UCKL1: variants seen among roughly 807,000 people sequenced by gnomAD.
UCKL1 encodes the protein uridine-cytidine kinase-like 1.
Under a neutral mutation model 59.2 loss-of-function variants are expected in UCKL1, and 65 were observed. That is an observed-to-expected ratio of 1.10 (90% CI 0.90 to 1.35). The LOEUF is 1.35. Ranked by LOEUF, UCKL1 falls within the 40% of genes most tolerant of loss-of-function variation. UCKL1 has a pLI of 0.00. For synonymous variants in UCKL1, 410 were observed against 323.1 expected, an observed-to-expected ratio of 1.27 and a Z score of -2.88; for missense variants, 703 against 784.3, an observed-to-expected ratio of 0.90 and a Z score of 1.24.
chr20:63,956,384 G>T lies in UCKL1; in HGVS notation c.-12C>A. 2 of 1,468,664 alleles carry T rather than the reference G, an allele frequency of 1.4e-6. No individual in the cohort carries two copies. Among genetic ancestry groups the T allele is most frequent in the South Asian group, 2.7e-5 (2 of 73,306 alleles). 91.0% of individuals were successfully genotyped at this position (1,468,664 alleles called of 1,614,324 possible). On this transcript the variant is annotated 5_prime_UTR_variant, in exon 1 of 15. Coordinates refer to ENST00000354216, the MANE Select transcript of UCKL1 (RefSeq NM_017859.4). ...GGGGGCGCAGCCATGGCGCTCGGAG[G>T]CCTCTTTGCGGGCCTGGCCGGGCGG...
chr20:63,946,025 C>T (rs765719494), intron 3 of UCKL1, 50 bp from the exon 4 acceptor site: 5 of 1,611,550 alleles, frequency 3.1e-6, no homozygotes, highest in Non-Finnish European at 4.2e-6. Context: ...GGCCCTCACC[C>T]AATGCCAGCG....
rs762360603 is a variant in UCKL1 at position 63,944,436 on chromosome 20, G to C, written c.867C>G (p.Ile289Met). 1 of 1,573,590 alleles carries C rather than the reference G, an allele frequency of 6.4e-7. No homozygotes were observed. Reference protein sequence around the residue: ...VPRGSGNTVAIDLIVQHVHSQ... With the variant: ...VPRGSGNTVAMDLIVQHVHSQ... ...TGTGCACGTGCTGCACAATCAGGTC[G>C]ATGGCCACCGTGTTGCCGCTCCCTG... Residue 289 changes from isoleucine (I) to methionine (M), a missense_variant, in exon 7 of 15, where the codon ATC (isoleucine) becomes ATG (methionine). Around this residue, in one of 4 missense-constraint regions of UCKL1, gnomAD observed 156 missense variants for 185.6 expected, o/e 0.84. Coordinates refer to ENST00000354216, the MANE Select transcript of UCKL1 (RefSeq NM_017859.4).
chr20:63,955,070 A>G (rs562399195), intron 1 of UCKL1: 1 of 151,860 alleles, frequency 6.6e-6, no homozygotes, highest in East Asian at 1.9e-4. Context: ...CTGACAAAAT[A>G]CCTCTCTACT....
intron 1 of UCKL1, among the ~76,000 whole-genome samples, chr20:63,947,328 G>A (rs549252147): frequency 6.6e-6 from 1 of 152,358 alleles, no homozygotes; most frequent in East Asian, 1.9e-4. Flanking sequence ...AAAGGCAGGT[G>A]AGACCCCAAA....
In UCKL1 at chr20:63,945,716, G is replaced by C; in HGVS notation, c.589C>G (p.Leu197Val). Residue 197 changes from leucine to valine, a missense_variant, in exon 5 of 15, where the codon CTG becomes GTG. By Grantham distance (32) the Leu-to-Val change is conservative. This residue lies in a region of UCKL1 where 398 missense variants were observed against 373.0 expected (regional missense o/e 1.07). Coordinates refer to ENST00000354216, the MANE Select transcript of UCKL1 (RefSeq NM_017859.4). ...AAGATGATGACGTTTGCACCATACAGTGTTTTCTGTGAAGAAACCCAGGAG... is the reference window on the plus strand; with the variant it reads ...AAGATGATGACGTTTGCACCATACACTGTTTTCTGTGAAGAAACCCAGGAG... ...THSRKKDWKT[L>V]YGANVIIFEG... The C allele has an allele frequency of 6.2e-7, 1 of 1,613,034 alleles. No individual in the cohort carries two copies. The highest frequency in any genetic ancestry group is 1.3e-5 in the African/African-American group (1 of 75,046).
At chr20:63,944,997 G>A (rs555351205) in intron 5 of UCKL1, among the ~76,000 whole-genome samples, 7 of 152,336 alleles carry the variant, frequency 4.6e-5, no homozygotes, top group South Asian at 4.1e-4. Context: ...GGTGCTGCCC[G>A]TCAGGGGCTT....
Position 63,956,337 on chromosome 20 carries a change from A to G in UCKL1, c.36T>C (p.Pro12=). The part of the protein sequence containing the change: ...AAPPARADAD[P]SPTSPPTARD... ...GGGCCGTAGGTGGCGACGTGGGCGAAGGATCAGCGTCCGCGCGGGCCGGGG... is the reference window on the plus strand; with the variant it reads ...GGGCCGTAGGTGGCGACGTGGGCGAGGGATCAGCGTCCGCGCGGGCCGGGG... Residue 12 remains proline, a synonymous_variant, in exon 1 of 15, where the codon CCT becomes CCC. Coordinates refer to ENST00000354216, the MANE Select transcript of UCKL1 (RefSeq NM_017859.4). 1 of 1,551,136 alleles carries G rather than the reference A, an allele frequency of 6.4e-7. No homozygotes were observed. The highest frequency in any genetic ancestry group is 8.7e-7 in the Non-Finnish European group (1 of 1,151,998).
Position 63,948,568 on chromosome 20 carries a change from A to AGAGGGAGGGGCGTGTGT in UCKL1, c.114-1926_114-1925insACACACGCCCCTCCCTC, listed in dbSNP as rs2056890989. ...CGGTGTGAGGAGGGAGGCGTGTGTG[A>AGAGGGAGGGGCGTGTGT]GAGGGAGGGGATGTGTGTGAGAGGG... On this transcript the variant is annotated intron_variant, in intron 1 of 14. Coordinates refer to ENST00000354216, the MANE Select transcript of UCKL1 (RefSeq NM_017859.4). 1.0e-4 allele frequency: 5 copies of AGAGGGAGGGGCGTGTGT among 49,504 alleles called. 1 individual carries two copies. The highest frequency in any genetic ancestry group is 3.4e-4 in the African/African-American group (4 of 11,628). The allele number at this position is 49,504 out of a possible 1,614,324, so 3.1% of individuals were successfully genotyped here.
intron 1 of UCKL1, among the ~76,000 whole-genome samples, chr20:63,949,892 G>C (rs1476808553): frequency 6.6e-6 from 1 of 152,260 alleles, no homozygotes; most frequent in Non-Finnish European, 1.5e-5. Context: ...CTAACTTGAG[G>C]GACAGACACC....
chr20:63,953,439 C>T lies in UCKL1; in HGVS notation c.113+2821G>A, dbSNP rs543227018. 3.6e-3 allele frequency: 552 copies of T among 152,142 alleles called. 1 individual carries two copies. The highest frequency in any genetic ancestry group is 6.4e-3 in the Non-Finnish European group (433 of 68,096). The allele number at this position is 152,142 out of a possible 1,614,324, so 9.4% of individuals were successfully genotyped here. On this transcript the variant is annotated intron_variant, in intron 1 of 14. Transcript: ENST00000354216. ...ACAGGCAGCCGGGTGCAGTGGCTCACGCCTGTAATCCCAGCACTTTCAGAG... is the reference window on the plus strand; with the variant it reads ...ACAGGCAGCCGGGTGCAGTGGCTCATGCCTGTAATCCCAGCACTTTCAGAG...
At chr20:63,944,939 A>G (rs998701514) in intron 5 of UCKL1, among the ~76,000 whole-genome samples, 1 of 151,932 alleles carries the variant, frequency 6.6e-6, no homozygotes, top group African/African-American at 2.4e-5. Context: ...TCCCCAGGGC[A>G]CCCTGGCAGG....
At chr20:63,945,745 C>A (rs754403943) in intron 4 of UCKL1, 23 bp from the exon 5 acceptor site, 1 of 1,612,764 alleles carries the variant, frequency 6.2e-7, no homozygotes, top group Non-Finnish European at 8.5e-7. Context: ...CCAGGAGTTG[C>A]GGAGCCTGGC....
At position 63,940,252 on chromosome 20, in the gene UCKL1, T is replaced by C; in HGVS notation, c.1465A>G (p.Met489Val). 1 of 1,612,730 alleles carries C rather than the reference T, an allele frequency of 6.2e-7. No individual in the cohort carries two copies. The highest frequency in any genetic ancestry group is 8.5e-7 in the Non-Finnish European group (1 of 1,179,972). Residue 489 changes from methionine (M) to valine (V), a missense_variant, in exon 14 of 15, where the codon ATG (methionine) becomes GTG (valine). This residue lies in a region of UCKL1 where 124 missense variants were observed against 161.1 expected (regional missense o/e 0.77). Transcript: ENST00000354216. ...GCATAGGCCACTGAGTGCACGCCCATCTCTGCCATGAGCAGCGACAGCAAA... is the reference window on the plus strand; with the variant it reads ...GCATAGGCCACTGAGTGCACGCCCACCTCTGCCATGAGCAGCGACAGCAAA... The part of the protein sequence containing the change: ...IFLLSLLMAE[M>V]GVHSVAYAFP...
chr20:63,943,625 TCTGTGCAGACAG>T lies in UCKL1; in HGVS notation c.923+16_923+27del, dbSNP rs754176985. ...CTTGGAGGTGTTGGAAGTGCCTCCA[TCTGTGCAGACAG>T]CTGTGCAAGTCTTACCTGACGCTGA... On this transcript the variant is annotated intron_variant, in intron 8 of 14. Transcript: ENST00000354216. 9.9e-4 allele frequency: 1,602 copies of T among 1,612,570 alleles called. 1 individual carries two copies. Among genetic ancestry groups the T allele is most frequent in the Non-Finnish European group, 1.3e-3 (1,489 of 1,179,796 alleles).
chr20:63,940,864 G>A lies in UCKL1; in HGVS notation c.1117-8C>T, dbSNP rs1460592509. The stretch of plus-strand genomic sequence containing the variant: ...GGTCTGTACGACGCAGTCCTGTGGG[G>A]TGCAGGGTGAGGACTCCGGTGAGCG... On this transcript the variant is annotated splice_polypyrimidine_tract_variant and splice_region_variant and intron_variant, in intron 10 of 14. Coordinates refer to ENST00000354216, the MANE Select transcript of UCKL1 (RefSeq NM_017859.4). 3 of 1,533,762 alleles carry A rather than the reference G, an allele frequency of 2.0e-6. No individual in the cohort carries two copies. Among genetic ancestry groups the A allele is most frequent in the Admixed American group, 2.0e-5 (1 of 50,978 alleles).
chr20:63,946,263 C>G lies in UCKL1; in HGVS notation c.309G>C (p.Leu103Phe). 1 of 1,590,380 alleles carries G rather than the reference C, an allele frequency of 6.3e-7. No individual in the cohort carries two copies. The part of the protein sequence containing the change: ...TQSKEAFAIG[L>F]GGGSASGKTT... ...TCTTCCCAGAGGCACTGCCGCCTCC[C>G]AAGCCTGCCGGCGGGAGTGGAGACC... The change falls in exon 3 of 15, where the codon TTG (leucine) becomes TTC (phenylalanine). Residue 103 changes from leucine (L) to phenylalanine (F), a missense_variant. Leu to Phe is a conservative substitution (Grantham distance 22). Coordinates refer to ENST00000354216, the MANE Select transcript of UCKL1 (RefSeq NM_017859.4).
chr20:63,940,477 G>A lies in UCKL1; in HGVS notation c.1311C>T (p.Tyr437=), dbSNP rs1569014936. Reference sequence around the variant, plus strand: ...CGCTGATGTCCTTGGGCAGCCTCAGGTAGTGGAGCTGCGGGCAGCAGGGGT... The same window carrying A: ...CGCTGATGTCCTTGGGCAGCCTCAGATAGTGGAGCTGCGGGCAGCAGGGGT... The part of the protein sequence containing the change: ...NQLTGEPELH[Y]LRLPKDISDD... Residue 437 remains tyrosine (Y), a synonymous_variant, in exon 13 of 15, where the codon TAC becomes TAT. Transcript: ENST00000354216. 6.2e-7 allele frequency: 1 copy of A among 1,611,516 alleles called. No homozygotes were observed. The highest frequency in any genetic ancestry group is 8.5e-7 in the Non-Finnish European group (1 of 1,179,606).
rs139984845 is a variant in UCKL1 at position 63,946,200 on chromosome 20, C to T, written c.372G>A (p.Val124=). The T allele has an allele frequency of 4.3e-4, 701 of 1,611,984 alleles. No homozygotes were observed. The highest frequency in any genetic ancestry group is 5.4e-4 in the Non-Finnish European group (637 of 1,179,578). The change falls in exon 3 of 15, where the codon GTG becomes GTA. Residue 124 remains valine, a synonymous_variant. Coordinates refer to ENST00000354216, the MANE Select transcript of UCKL1 (RefSeq NM_017859.4). ...VARMIIEALD[V]PWVVLLSMDS... ...CCATGGACAGCAAGACCACCCAGGG[C>T]ACATCCAGGGCCTCGATGATCATTC...
rs752075594 is a variant in UCKL1, at chr20:63,946,593, C to T, written c.164G>A (p.Arg55His). 1.3e-4 allele frequency: 205 copies of T among 1,610,932 alleles called. No individual in the cohort carries two copies. The highest frequency in any genetic ancestry group is 4.9e-4 in the Middle Eastern group (3 of 6,070). ...GCTGGTGGTCCGCTTCCGGGGAGAG[C>T]GCCCAGTGCCCACAGGTGGCAGGAG... ...DRLLPPVGTGRSPRKRTTSQC... is the reference protein window; with the variant it reads ...DRLLPPVGTGHSPRKRTTSQC... Residue 55 changes from arginine to histidine, a missense_variant, in exon 2 of 15, where the codon CGC (arginine) becomes CAC (histidine). By Grantham distance (29) the Arg-to-His change is conservative (BLOSUM62 0). This residue lies in a region of UCKL1 where 398 missense variants were observed against 373.0 expected (regional missense o/e 1.07). Transcript: ENST00000354216.
Sources: gnomAD v4.1 joint callset for allele counts (sites outside exome capture counted in the v4.1 genomes callset) on GRCh38, gnomAD v4.1.1 for gene constraint, gnomAD v4.1.1 regional missense constraint, MANE v1.5 for transcripts, NCBI Gene and HGNC (gene_info 2026-07-23, HGNC 2026-07-21) for gene names.